The following GRB10 variants were observed in gnomAD, a reference collection of about 807,000 sequenced individuals.
GRB10 encodes the protein growth factor receptor bound protein 10, also known as growth factor receptor-bound protein 10.
A neutral mutation model predicts 80.9 loss-of-function variants in GRB10; 20 were observed. The observed-to-expected ratio is 0.25, with a 90% CI of 0.17 to 0.36. GRB10 has a LOEUF of 0.36. Ranked by LOEUF, GRB10 falls within the 10% of genes least tolerant of loss-of-function variation. The pLI is 1.00. For missense variants in GRB10, 548 were observed against 747.7 expected, an observed-to-expected ratio of 0.73 and a Z score of 3.12; for synonymous variants, 291 against 291.5, an observed-to-expected ratio of 1.00 and a Z score of 0.02.
chr7:50,716,793 T>C (rs1401765789), intron 4 of GRB10, among the ~76,000 whole-genome samples: 1 of 152,234 alleles, frequency 6.6e-6, no homozygotes, highest in Non-Finnish European at 1.5e-5. Flanking sequence ...GCCCAACGGC[T>C]GGCGTGGTCT....
At chr7:50,603,459 C>T (rs1222932627) in intron 17 of GRB10, among the ~76,000 whole-genome samples, 1 of 152,158 alleles carries the variant, frequency 6.6e-6, no homozygotes, top group Non-Finnish European at 1.5e-5. Flanking sequence ...CAGACACATG[C>T]CCAGTCACTA....
rs188343048 is a variant in GRB10, at chr7:50,663,751, C to T, written c.504+5971G>A. Among the ~76,000 whole-genome samples, 50 of 152,280 alleles carry T rather than the reference C, an allele frequency of 3.3e-4. No individual in the cohort carries two copies. The East Asian group carries it at 8.7e-3, about 26-fold the overall frequency. On this transcript the variant is annotated intron_variant, in intron 7 of 18. Coordinates refer to ENST00000401949, the MANE Select transcript of GRB10 (RefSeq NM_001350814.2). ...TATTTAATGTAATCCTTTTTAGATT[C>T]GGGCCATCATCCCAGCTTGCTGAGC...
intron 5 of GRB10, among the ~76,000 whole-genome samples, chr7:50,690,598 C>G (rs1370724627): frequency 6.6e-6 from 1 of 152,256 alleles, no homozygotes; most frequent in Non-Finnish European, 1.5e-5. Flanking sequence ...CTGCTCACCA[C>G]TGCATCCCCT....
intron 4 of GRB10, among the ~76,000 whole-genome samples, chr7:50,729,970 G>A (rs1366674102): frequency 6.6e-6 from 1 of 152,190 alleles, no homozygotes; most frequent in Non-Finnish European, 1.5e-5. Context: ...CCTTGACTCA[G>A]CTTCTAAAGG....
In GRB10 at chr7:50,591,207, G is replaced by C. The variant is rs2045810924; in HGVS notation, c.*1745C>G. On this transcript the variant is annotated 3_prime_UTR_variant, in exon 19 of 19. Transcript: ENST00000401949. ...TGATGGTTAAAAACATGTTTTGCTA[G>C]AAAATTCTTCATTTGTATACCTTTC... The C allele has an allele frequency of 6.6e-6, 1 of 152,226 alleles. No homozygotes were observed. Among genetic ancestry groups the C allele is most frequent in the African/African-American group, 2.4e-5 (1 of 41,464 alleles). The allele number at this position is 152,226 out of a possible 1,614,324, so 9.4% of individuals were successfully genotyped here.
chr7:50,718,697 C>T (rs1293827459), intron 4 of GRB10, among the ~76,000 whole-genome samples: 1 of 152,172 alleles, frequency 6.6e-6, no homozygotes, highest in African/African-American at 2.4e-5. Flanking sequence ...CACATTAACA[C>T]CCAGTTCACC....
At chr7:50,668,060 G>A (rs2059990068) in intron 7 of GRB10, among the ~76,000 whole-genome samples, 1 of 152,174 alleles carries the variant, frequency 6.6e-6, no homozygotes, top group African/African-American at 2.4e-5. Flanking sequence ...ATGCACTTTA[G>A]ACATGTGACA....
At chr7:50,663,058 C>T (rs1214600314) in intron 7 of GRB10, among the ~76,000 whole-genome samples, 2 of 152,248 alleles carry the variant, frequency 1.3e-5, no homozygotes, top group Admixed American at 6.5e-5. Context: ...AAGGCCCACT[C>T]GCTGTCCCTG....
At chr7:50,790,423 GTTTA>G (rs1468634186) in intron 1 of GRB10, among the ~76,000 whole-genome samples, 1 of 152,030 alleles carries the variant, frequency 6.6e-6, no homozygotes. Context: ...AAAAAAAAAA[GTTTA>G]TTTAAACTTT....
intron 6 of GRB10, among the ~76,000 whole-genome samples, chr7:50,673,016 G>A (rs775059662): frequency 1.1e-4 from 16 of 152,196 alleles, no homozygotes; most frequent in Admixed American, 1.3e-4. Flanking sequence ...CGCCAGGGCC[G>A]CTGCACCCTC....
chr7:50,783,210 T>C (rs2078492648), upstream of GRB10, among the ~76,000 whole-genome samples: 1 of 152,200 alleles, frequency 6.6e-6, no homozygotes, highest in African/African-American at 2.4e-5. Context: ...CCAGTTCTAC[T>C]CTTCCAGGAT....
chr7:50,760,072 G>T (rs927458987), intron 2 of GRB10, among the ~76,000 whole-genome samples: 12 of 152,326 alleles, frequency 7.9e-5, no homozygotes, highest in African/African-American at 2.9e-4. Flanking sequence ...ACAAAGATGG[G>T]TTAGCCAGAG....
At chr7:50,632,887 C>T (rs1241027610) in intron 7 of GRB10, among the ~76,000 whole-genome samples, 1 of 152,130 alleles carries the variant, frequency 6.6e-6, no homozygotes, top group Non-Finnish European at 1.5e-5. Flanking sequence ...AAGGTTGGTG[C>T]TTGTACCTGC....
At chr7:50,625,373 TG>T (rs1345776313) in intron 8 of GRB10, among the ~76,000 whole-genome samples, 5 of 151,880 alleles carry the variant, frequency 3.3e-5, no homozygotes, top group African/African-American at 1.2e-4. Context: ...TATACAGACT[TG>T]TTTTTAAAAT....
intron 7 of GRB10, among the ~76,000 whole-genome samples, chr7:50,634,932 A>G (rs1269008860): frequency 6.6e-6 from 1 of 152,246 alleles, no homozygotes; most frequent in African/African-American, 2.4e-5. Flanking sequence ...CAGCAATACC[A>G]TAATAGTGGG....
At chr7:50,710,459 G>T (rs148532289) in intron 4 of GRB10, among the ~76,000 whole-genome samples, 1 of 152,314 alleles carries the variant, frequency 6.6e-6, no homozygotes, top group African/African-American at 2.4e-5. Context: ...TCTTGCCTCT[G>T]CTGGGTACCA....
At chr7:50,724,742 A>G (rs75465516) in intron 4 of GRB10, among the ~76,000 whole-genome samples, 2,992 of 152,272 alleles carry the variant, frequency 0.02, 111 homozygotes, top group African/African-American at 0.068. Flanking sequence ...GTAATGACAC[A>G]TAACTTCAAA....
intron 5 of GRB10, among the ~76,000 whole-genome samples, chr7:50,687,309 A>T (rs980881620): frequency 2.6e-5 from 4 of 152,252 alleles, no homozygotes; most frequent in African/African-American, 9.6e-5. Context: ...CCCAGCAGTC[A>T]GGCCTTACCA....
At chr7:50,747,951 GA>G (rs139901990) in intron 3 of GRB10, among the ~76,000 whole-genome samples, 3,151 of 152,254 alleles carry the variant, frequency 0.021, 104 homozygotes, top group African/African-American at 0.072. Context: ...TGGGATTCCA[GA>G]AGGCAGGAAG....
Sources: allele counts gnomAD v4.1 joint callset (sites outside exome capture counted in the v4.1 genomes callset), GRCh38; gene constraint gnomAD v4.1.1; transcripts MANE v1.5; gene names NCBI Gene and HGNC (gene_info 2026-07-23, HGNC 2026-07-21).